MKLN1: variants seen among roughly 807,000 people sequenced by gnomAD.
MKLN1 encodes muskelin.
A neutral mutation model predicts 99.0 loss-of-function variants in MKLN1; 18 were observed. That is an observed-to-expected ratio of 0.18 (90% CI 0.13 to 0.27). The LOEUF (loss-of-function observed/expected upper bound fraction) is 0.27, where lower values mean the gene tolerates loss of function less well. Ranked by LOEUF, MKLN1 falls within the 10% of genes least tolerant of loss-of-function variation. MKLN1 has a pLI of 1.00. For synonymous variants in MKLN1, 288 were observed against 293.2 expected, an observed-to-expected ratio of 0.98 and a Z score of 0.18; for missense variants, 621 against 875.9, an observed-to-expected ratio of 0.71 and a Z score of 3.67.
chr7:131,311,000 A>C lies in MKLN1; in HGVS notation c.-178-64424A>C, dbSNP rs558696056. On this transcript the variant is annotated intron_variant, in intron 3 of 7. Coordinates refer to the MKLN1 transcript ENST00000416992. ...TCTGGAAGACAAAATAAAAAAAAAA[A>C]CCAGCAATGTTTTAAATAAAAAGTC... The C allele has an allele frequency of 4.3e-4, 65 of 152,212 alleles. No individual in the cohort carries two copies. In the East Asian group the frequency reaches 5.6e-3, roughly 13 times the overall value. 9.4% of individuals were successfully genotyped at this position (152,212 alleles called of 1,614,324 possible).
At chr7:131,144,143 A>G (rs1357690349) in intron 2 of MKLN1, among the ~76,000 whole-genome samples, 2 of 152,188 alleles carry the variant, frequency 1.3e-5, no homozygotes, top group Non-Finnish European at 2.9e-5. Context: ...TAACTGGTAC[A>G]CAGAAGGCAC....
intron 1 of MKLN1, among the ~76,000 whole-genome samples, chr7:131,116,032 A>T (rs187641693): frequency 9.2e-5 from 14 of 152,176 alleles, no homozygotes; most frequent in Non-Finnish European, 1.9e-4. Context: ...AGGGCCGGGC[A>T]CGGTGGCTCA....
chr7:131,292,689 G>A (rs1798238650), intron 3 of MKLN1, among the ~76,000 whole-genome samples: 1 of 152,178 alleles, frequency 6.6e-6, no homozygotes, highest in Non-Finnish European at 1.5e-5. Flanking sequence ...GAGGGAGCAT[G>A]GCCCTGCCAA....
intron 2 of MKLN1, among the ~76,000 whole-genome samples, chr7:131,162,642 C>T (rs777993972): frequency 2.6e-5 from 4 of 152,042 alleles, no homozygotes; most frequent in African/African-American, 7.2e-5. Flanking sequence ...GTCTTATTCC[C>T]GAGATATCTC....
At chr7:131,132,947 A>AAAAGAAAGAAAGAAAGAAAG (rs1224385182) in intron 1 of MKLN1, among the ~76,000 whole-genome samples, 25 of 56,604 alleles carry the variant, frequency 4.4e-4, no homozygotes, top group African/African-American at 1.8e-3. Flanking sequence ...AAAAAAAAAA[A>AAAAGAAAGAAAGAAAGAAAG]AAAGAAAGAA....
chr7:131,156,806 T>A (rs2116301650), intron 2 of MKLN1, among the ~76,000 whole-genome samples: 1 of 152,332 alleles, frequency 6.6e-6, no homozygotes, highest in South Asian at 2.1e-4. Context: ...ACACAGCATC[T>A]GAGTGCTTCA....
At chr7:131,134,519 C>T (rs568847910) in intron 1 of MKLN1, among the ~76,000 whole-genome samples, 1 of 152,302 alleles carries the variant, frequency 6.6e-6, no homozygotes, top group South Asian at 2.1e-4. Context: ...CACTGGATAT[C>T]CCACAATTAC....
chr7:131,205,951 A>C (rs6977294), intron 3 of MKLN1, among the ~76,000 whole-genome samples: 4 of 150,612 alleles, frequency 2.7e-5, no homozygotes, highest in African/African-American at 4.9e-5. Context: ...TGGAGCGCAA[A>C]GGCATGATCT....
At chr7:131,172,618 A>C (rs985525986) in intron 2 of MKLN1, among the ~76,000 whole-genome samples, 3 of 152,066 alleles carry the variant, frequency 2.0e-5, no homozygotes, top group Non-Finnish European at 4.4e-5. Context: ...CCGGCCAAGA[A>C]TTAATTTATT....
upstream of MKLN1, chr7:131,327,821 C>A: frequency 6.4e-7 from 1 of 1,554,424 alleles, no homozygotes; most frequent in South Asian, 1.2e-5. Context: ...GCGGCGGCCC[C>A]TTTAAGAGCA....
At chr7:131,134,728 G>A (rs1055582400) in intron 1 of MKLN1, among the ~76,000 whole-genome samples, 4 of 152,070 alleles carry the variant, frequency 2.6e-5, no homozygotes, top group Non-Finnish European at 5.9e-5. Flanking sequence ...TGCTGCTATG[G>A]TGACTCAGAC....
intron 12 of MKLN1, among the ~76,000 whole-genome samples, chr7:131,462,432 A>T (rs1397810206): frequency 1.3e-5 from 2 of 152,100 alleles, no homozygotes; most frequent in East Asian, 1.9e-4. Context: ...CTTTTATCAA[A>T]TTTTTTTTCC....
upstream of MKLN1, chr7:131,323,691 C>T (rs1199274108): frequency 6.6e-6 from 1 of 152,106 alleles, no homozygotes; most frequent in Non-Finnish European, 1.5e-5. Context: ...AGGAACTTTT[C>T]AAAAGTGACC....
chr7:131,343,283 G>T (rs1203130338), intron 1 of MKLN1, among the ~76,000 whole-genome samples: 3 of 152,158 alleles, frequency 2.0e-5, no homozygotes, highest in African/African-American at 2.4e-5. Context: ...AAGATACTTG[G>T]AGGTAGACTT....
At chr7:131,469,510 T>G (rs1306937999) in intron 15 of MKLN1, among the ~76,000 whole-genome samples, 1 of 152,196 alleles carries the variant, frequency 6.6e-6, no homozygotes, top group African/African-American at 2.4e-5. Context: ...GGTCTTTACC[T>G]AAAGGACTCT....
At chr7:131,396,310 T>C (rs1794359133) in intron 4 of MKLN1, among the ~76,000 whole-genome samples, 1 of 152,192 alleles carries the variant, frequency 6.6e-6, no homozygotes, top group East Asian at 1.9e-4. Flanking sequence ...TGGCCTCAAG[T>C]GATCCTCTTG....
chr7:131,144,044 T>C (rs374086234), intron 2 of MKLN1, among the ~76,000 whole-genome samples: 16 of 152,144 alleles, frequency 1.1e-4, no homozygotes, highest in African/African-American at 3.4e-4. Context: ...CACTTCTTTG[T>C]TTGTTGTCTA....
Position 131,217,584 on chromosome 7 carries a change from G to A in MKLN1, c.-179+14610G>A, listed in dbSNP as rs964843704. Among the ~76,000 whole-genome samples the A allele has an allele frequency of 9.2e-5, 14 of 152,302 alleles. No individual in the cohort carries two copies. The South Asian group carries it at 2.9e-3, about 32-fold the overall frequency. ...GTGGTTGTGGGCACCTGTAATCCCG[G>A]CTACTCAGGAGGCTGAGGCAGGCAA... On this transcript the variant is annotated intron_variant, in intron 3 of 7. Transcript: ENST00000416992.
intron 3 of MKLN1, among the ~76,000 whole-genome samples, chr7:131,246,726 C>T (rs1797495522): frequency 6.6e-6 from 1 of 151,764 alleles, no homozygotes; most frequent in African/African-American, 2.4e-5. Flanking sequence ...AAGTGATGTG[C>T]CCGCCTCAGC....
Sources: allele counts gnomAD v4.1 joint callset (sites outside exome capture counted in the v4.1 genomes callset), GRCh38; gene constraint gnomAD v4.1.1; transcripts MANE v1.5; gene names NCBI Gene and HGNC (gene_info 2026-07-23, HGNC 2026-07-21).